The following BAZ1A variants were observed in gnomAD, a reference collection of about 807,000 sequenced individuals.
The protein encoded by BAZ1A is bromodomain adjacent to zinc finger domain protein 1A.
A neutral mutation model predicts 185.2 loss-of-function variants in BAZ1A; 50 were observed. The ratio of observed to expected loss-of-function variants is 0.27; its 90% CI spans 0.22 to 0.34. The LOEUF is 0.34. BAZ1A is among the 10% of genes least tolerant of loss of function. The probability of loss-of-function intolerance (pLI) is 1.00; values close to 1 mark genes in which losing one functional copy is unlikely to be tolerated. For missense variants in BAZ1A, 1,356 were observed against 1,839.9 expected (o/e 0.74, Z 4.81); for synonymous variants, 571 against 615.6 (o/e 0.93, Z 1.07).
chr14:34,851,887 G>A (rs980489999), intron 3 of BAZ1A, among the ~76,000 whole-genome samples: 1 of 152,194 alleles, frequency 6.6e-6, no homozygotes, highest in Non-Finnish European at 1.5e-5. Context: ...CAGCACTTTG[G>A]GAGGCTGAGG....
chr14:34,845,285 T>TC (rs1348663307), intron 3 of BAZ1A: 1 of 151,092 alleles, frequency 6.6e-6, no homozygotes, highest in Non-Finnish European at 1.5e-5. Flanking sequence ...TTTTTTTTTT[T>TC]TTTTGGAGGG....
At chr14:34,767,028 G>A (rs989147869) in intron 21 of BAZ1A, among the ~76,000 whole-genome samples, 1 of 152,246 alleles carries the variant, frequency 6.6e-6, no homozygotes, top group African/African-American at 2.4e-5. Flanking sequence ...CAAAAACACA[G>A]TGGATGGGTC....
intron 16 of BAZ1A, among the ~76,000 whole-genome samples, chr14:34,781,655 C>G (rs1473334161): frequency 6.6e-6 from 1 of 152,124 alleles, no homozygotes; most frequent in Non-Finnish European, 1.5e-5. Flanking sequence ...GCCACCATGC[C>G]TGGCTAATTT....
intron 3 of BAZ1A, among the ~76,000 whole-genome samples, chr14:34,838,098 T>C (rs1456067270): frequency 6.6e-6 from 1 of 152,102 alleles, no homozygotes; most frequent in Non-Finnish European, 1.5e-5. Context: ...CCTGACAACT[T>C]TGTGGACCTA....
chr14:34,844,005 A>G (rs923616506), intron 3 of BAZ1A, among the ~76,000 whole-genome samples: 1 of 148,896 alleles, frequency 6.7e-6, no homozygotes, highest in Admixed American at 6.8e-5. Context: ...GGAGATCGAG[A>G]CCATCCTGGC....
intron 8 of BAZ1A, 67 bp from the exon 9 acceptor site, chr14:34,800,457 G>T (rs552475357): frequency 2.5e-6 from 3 of 1,218,748 alleles, no homozygotes; most frequent in South Asian, 3.1e-5. Context: ...TTTTTTTGAT[G>T]TAACAACAGA....
At chr14:34,777,433 CAGG>C (rs1879708666) in intron 17 of BAZ1A, among the ~76,000 whole-genome samples, 1 of 152,304 alleles carries the variant, frequency 6.6e-6, no homozygotes, top group East Asian at 1.9e-4. Context: ...CACCTGACAT[CAGG>C]AGTTCTTAAC....
chr14:34,762,210 C>T lies in BAZ1A; in HGVS notation c.3790G>A (p.Gly1264Arg). 1 of 1,613,906 alleles carries T rather than the reference C, an allele frequency of 6.2e-7. No homozygotes were observed. The change falls in exon 24 of 27, where the codon GGA becomes AGA. Residue 1264 changes from glycine to arginine, a missense_variant. By Grantham distance (125) the Gly-to-Arg change is moderately radical. Coordinates refer to ENST00000360310, the MANE Select transcript of BAZ1A (RefSeq NM_013448.3). ...EEEEVSLPKRGRPQVRLPVKT... is the reference protein window; with the variant it reads ...EEEEVSLPKRRRPQVRLPVKT... ...ACTGGCAATCTAACTTGTGGTCTTC[C>T]TCGTTTGGGTAGGCTATAAATATTG... is the stretch of plus-strand genomic sequence containing the variant.
chr14:34,853,680 G>A (rs1392009387), intron 3 of BAZ1A, among the ~76,000 whole-genome samples: 9 of 152,280 alleles, frequency 5.9e-5, no homozygotes, highest in South Asian at 2.1e-4. Flanking sequence ...TCAGCTACTC[G>A]GGAGGCTATG....
chr14:34,788,629 A>T (rs1478623376), intron 12 of BAZ1A, among the ~76,000 whole-genome samples: 1 of 152,006 alleles, frequency 6.6e-6, no homozygotes, highest in Non-Finnish European at 1.5e-5. Flanking sequence ...ATGACTCTGG[A>T]TCAGCAGCTT....
chr14:34,874,670 A>C lies in BAZ1A; in HGVS notation c.-58-8T>G. 4 of 1,365,426 alleles carry C rather than the reference A, an allele frequency of 2.9e-6. No individual in the cohort carries two copies. Among genetic ancestry groups the C allele is most frequent in the East Asian group, 2.5e-5 (1 of 39,284 alleles). 84.6% of individuals were successfully genotyped at this position (1,365,426 alleles called of 1,614,324 possible). The stretch of plus-strand genomic sequence containing the variant: ...CGCGCCGGCCCCGCTTCCCTATCAA[A>C]ATTGGAGGGAAAGGAAAGCCGGTAA... On this transcript the variant is annotated splice_region_variant and splice_polypyrimidine_tract_variant and intron_variant, in intron 1 of 26. Transcript: ENST00000360310. The surrounding 1 kb of genome is among the most constrained non-coding windows in gnomAD (Gnocchi z 4.7).
Position 34,874,854 on chromosome 14 carries a change from C to A in BAZ1A, c.-58-192G>T. ...GCGGAGCCGCCGCCGCCCCTGCCCC[C>A]CGAGCGCGCCCTACCTCCTCTCGTC... On this transcript the variant is annotated intron_variant, in intron 1 of 26. Coordinates refer to ENST00000360310, the MANE Select transcript of BAZ1A (RefSeq NM_013448.3). The surrounding 1 kb of genome is among the most constrained non-coding windows in gnomAD (Gnocchi z 4.7). The A allele has an allele frequency of 2.5e-6, 1 of 406,234 alleles. No individual in the cohort carries two copies. Among genetic ancestry groups the A allele is most frequent in the Non-Finnish European group, 4.4e-6 (1 of 227,844 alleles). 25.2% of individuals were successfully genotyped at this position (406,234 alleles called of 1,614,324 possible).
chr14:34,797,198 C>T (rs1224907205), intron 9 of BAZ1A, among the ~76,000 whole-genome samples: 1 of 152,020 alleles, frequency 6.6e-6, no homozygotes, highest in Non-Finnish European at 1.5e-5. Context: ...GCATATAAAA[C>T]TTTAAATGGT....
At chr14:34,797,607 G>A (rs1466772143) in intron 9 of BAZ1A, among the ~76,000 whole-genome samples, 1 of 152,128 alleles carries the variant, frequency 6.6e-6, no homozygotes, top group African/African-American at 2.4e-5. Flanking sequence ...CAGATTTCTG[G>A]TGATTTTTCT....
chr14:34,792,986 G>A, intron 11 of BAZ1A, 65 bp from the exon 12 acceptor site: 1 of 1,414,448 alleles, frequency 7.1e-7, no homozygotes, highest in South Asian at 1.3e-5. Context: ...CAACTCCACT[G>A]GAATAAACAT....
intron 21 of BAZ1A, among the ~76,000 whole-genome samples, chr14:34,770,299 A>G (rs1228999881): frequency 1.3e-5 from 2 of 152,080 alleles, no homozygotes; most frequent in African/African-American, 4.8e-5. Context: ...GATTACAGGC[A>G]TGCACCACCA....
Position 34,773,716 on chromosome 14 carries a change from C to T in BAZ1A, c.3008G>A (p.Arg1003Gln). 6.2e-7 allele frequency: 1 copy of T among 1,613,204 alleles called. No individual in the cohort carries two copies. The highest frequency in any genetic ancestry group is 8.5e-7 in the Non-Finnish European group (1 of 1,179,808). ...GTLGAIKVTDRHIWRSALESG... is the reference protein window; with the variant it reads ...GTLGAIKVTDQHIWRSALESG... ...TTCTAATGCTGATCTCCAGATATGT[C>T]GATCTGTAACCTGTAACAAAATTCA... Residue 1003 changes from arginine (R) to glutamine (Q), a missense_variant, in exon 20 of 27, where the codon CGA becomes CAA. Coordinates refer to ENST00000360310, the MANE Select transcript of BAZ1A (RefSeq NM_013448.3).
Position 34,762,072 on chromosome 14 carries a change from T to C in BAZ1A, c.3928A>G (p.Lys1310Glu). ...ATCTTTCTTAGGCTTCTACCAGTTT[T>C]AGAAGAAACAGTTGTTTTGGGTGTG... ...QSTPKTTVSS[K>E]TGRSLRKINS... The change falls in exon 24 of 27, where the codon AAA becomes GAA. Residue 1310 changes from lysine to glutamate, a missense_variant. Lys to Glu is a moderately conservative substitution (Grantham distance 56). Around this residue, in one of 7 missense-constraint regions of BAZ1A, gnomAD observed 309 missense variants for 355.3 expected, o/e 0.87. Coordinates refer to ENST00000360310, the MANE Select transcript of BAZ1A (RefSeq NM_013448.3). 1 of 1,614,214 alleles carries C rather than the reference T, an allele frequency of 6.2e-7. No individual in the cohort carries two copies. The highest frequency in any genetic ancestry group is 1.3e-5 in the African/African-American group (1 of 75,050).
chr14:34,764,400 C>G (rs1331699719), intron 23 of BAZ1A, among the ~76,000 whole-genome samples: 3 of 149,200 alleles, frequency 2.0e-5, no homozygotes, highest in Non-Finnish European at 3.0e-5. Context: ...TCAAGCAGCT[C>G]TCCTACCTCA....
Sources: gnomAD v4.1 joint callset for allele counts (sites outside exome capture counted in the v4.1 genomes callset) on GRCh38, gnomAD v4.1.1 for gene constraint, gnomAD v4.1.1 regional missense constraint, Gnocchi (gnomAD v3.1) non-coding constraint, MANE v1.5 for transcripts, NCBI Gene and HGNC (gene_info 2026-07-23, HGNC 2026-07-21) for gene names.